ZC3H3: variants seen among roughly 807,000 people sequenced by gnomAD.
ZC3H3 encodes zinc finger CCCH domain-containing protein 3.
Under a neutral mutation model 77.3 loss-of-function variants are expected in ZC3H3, and 36 were observed. The observed-to-expected ratio is 0.47, with a 90% CI of 0.36 to 0.61. ZC3H3 has a LOEUF of 0.61. Among genes scored for constraint, ZC3H3 ranks in the 20% least tolerant of loss-of-function variants. The probability of loss-of-function intolerance (pLI) is 0.00; values close to 1 mark genes in which losing one functional copy is unlikely to be tolerated. For synonymous variants in ZC3H3, 626 were observed against 555.2 expected (o/e 1.13, Z -1.79); for missense variants, 1,331 against 1,312.2 (o/e 1.01, Z -0.22).
intron 3 of ZC3H3, among the ~76,000 whole-genome samples, chr8:143,517,726 C>T (rs553391530): frequency 6.6e-6 from 1 of 152,322 alleles, no homozygotes; most frequent in South Asian, 2.1e-4. Flanking sequence ...TGGGACGGGC[C>T]CTTCCCAGGG....
chr8:143,538,791 G>T lies in ZC3H3; in HGVS notation c.576C>A (p.Cys192Ter), dbSNP rs1822901158. ...TCCTGGGCTTACCAGGCTCCTTCTG[G>T]CAGACCAGAAGAGGATCTTCCACAC... ...TCSVEDPLLVCQKEPGKPRMV... is the reference protein window; with the variant it reads ...TCSVEDPLLV Residue 192 changes from cysteine to a stop codon, truncating the protein, a stop_gained, in exon 2 of 12, where the codon TGC becomes TGA. Coordinates refer to ENST00000262577, the MANE Select transcript of ZC3H3 (RefSeq NM_015117.3). LOFTEE classifies it high-confidence loss of function. 1 of 1,612,260 alleles carries T rather than the reference G, an allele frequency of 6.2e-7. No individual in the cohort carries two copies. The highest frequency in any genetic ancestry group is 2.2e-5 in the East Asian group (1 of 44,866).
intron 9 of ZC3H3, among the ~76,000 whole-genome samples, chr8:143,458,959 GA>G (rs1003789607): frequency 4.0e-4 from 51 of 128,916 alleles, no homozygotes; most frequent in South Asian, 7.2e-4. Context: ...TGTTCTTCAA[GA>G]AAAAAAAAAA....
chr8:143,458,942 G>A (rs1287789945), intron 9 of ZC3H3, among the ~76,000 whole-genome samples: 1 of 151,788 alleles, frequency 6.6e-6, no homozygotes, highest in Non-Finnish European at 1.5e-5. Flanking sequence ...GCAATATAGC[G>A]AGACCTTGTT....
At position 143,440,165 on chromosome 8, in the gene ZC3H3, G is replaced by T. The variant is rs745358852; in HGVS notation, c.2691C>A (p.Ala897=). Residue 897 remains alanine, a synonymous_variant, in exon 11 of 12, where the codon GCC becomes GCA. Transcript: ENST00000262577. ...DHEAPSLQEA[A]LAAACSNRLC... ...GCCTGTTGGAGCACGCTGCTGCTAA[G>T]GCAGCCTCCTGGAGAGATGGTGCCT... The T allele has an allele frequency of 1.2e-6, 2 of 1,611,992 alleles. No homozygotes were observed. The highest frequency in any genetic ancestry group is 2.7e-5 in the African/African-American group (2 of 74,910).
chr8:143,511,368 A>G (rs1821865217), intron 3 of ZC3H3, among the ~76,000 whole-genome samples: 1 of 152,250 alleles, frequency 6.6e-6, no homozygotes, highest in Non-Finnish European at 1.5e-5. Context: ...TATGTGGAGC[A>G]GGAGTGAGGG....
Position 143,473,773 on chromosome 8 carries a change from G to A in ZC3H3, c.1903+1625C>T, listed in dbSNP as rs566776273. On this transcript the variant is annotated intron_variant, in intron 5 of 11. Transcript: ENST00000262577. The stretch of plus-strand genomic sequence containing the variant: ...CCTCAGAGCACCTGCTGCTGGCCCC[G>A]GGAGCTCCACTGGTCAGGGTCCCTG... Among the ~76,000 whole-genome samples, 17 of 152,350 alleles carry A rather than the reference G, an allele frequency of 1.1e-4. No homozygotes were observed. The East Asian group carries it at 1.5e-3, about 14-fold the overall frequency.
At chr8:143,471,298 C>T (rs917702086) in intron 5 of ZC3H3, among the ~76,000 whole-genome samples, 3 of 152,228 alleles carry the variant, frequency 2.0e-5, no homozygotes, top group African/African-American at 4.8e-5. Context: ...AGGCAGCCAG[C>T]GGCAGAGGGT....
intron 9 of ZC3H3, among the ~76,000 whole-genome samples, chr8:143,461,763 C>A (rs912593306): frequency 6.6e-5 from 10 of 151,934 alleles, no homozygotes; most frequent in African/African-American, 2.2e-4. Flanking sequence ...ACACGAAAGG[C>A]CCACAGAAGA....
At chr8:143,518,349 G>A (rs931732059) in intron 3 of ZC3H3, among the ~76,000 whole-genome samples, 3 of 152,236 alleles carry the variant, frequency 2.0e-5, no homozygotes, top group Admixed American at 6.5e-5. Flanking sequence ...GCTGCCGGGC[G>A]GCACGGAGAC....
chr8:143,464,725 G>A (rs1016256328), intron 9 of ZC3H3, among the ~76,000 whole-genome samples: 6 of 152,182 alleles, frequency 3.9e-5, no homozygotes, highest in Non-Finnish European at 7.4e-5. Context: ...GCCAACACAA[G>A]TGTGAGGTCC....
At position 143,440,986 on chromosome 8, in the gene ZC3H3, C is replaced by T; in HGVS notation, c.2442G>A (p.Gly814=). Residue 814 remains glycine (G), a synonymous_variant, in exon 10 of 12, where the codon GGG becomes GGA. Transcript: ENST00000262577. ...TGCTCCTGGCGGTTGCGTCGCTGGG[C>T]CCTGGGGCGGGGGACGTGGCTGCCC... The part of the protein sequence containing the change: ...SRRAATSPAP[G]PSDATARSRV... The T allele has an allele frequency of 6.8e-7, 1 of 1,465,790 alleles. No homozygotes were observed. The highest frequency in any genetic ancestry group is 1.4e-5 in the South Asian group (1 of 69,104). The allele number at this position is 1,465,790 out of a possible 1,614,324, so 90.8% of individuals were successfully genotyped here. A position where few individuals can be genotyped will look rare whatever the true frequency, so the allele number is the denominator to read the frequency against.
intron 9 of ZC3H3, among the ~76,000 whole-genome samples, chr8:143,444,302 G>C (rs1189067790): frequency 6.6e-6 from 1 of 152,068 alleles, no homozygotes; most frequent in Middle Eastern, 3.2e-3. Flanking sequence ...AAATACTCCA[G>C]ATGTACAATT....
intron 11 of ZC3H3, among the ~76,000 whole-genome samples, chr8:143,439,762 C>T (rs774186406): frequency 6.6e-6 from 1 of 152,350 alleles, no homozygotes; most frequent in Non-Finnish European, 1.5e-5. Flanking sequence ...GAGATTCTGA[C>T]GTGGTGGTCT....
At chr8:143,506,287 C>T (rs1015891393) in intron 4 of ZC3H3, among the ~76,000 whole-genome samples, 1 of 152,216 alleles carries the variant, frequency 6.6e-6, no homozygotes, top group Non-Finnish European at 1.5e-5. Context: ...CCCTCGACGT[C>T]GGGCTGACGA....
chr8:143,443,001 A>G (rs1207537625), intron 9 of ZC3H3, among the ~76,000 whole-genome samples: 1 of 152,226 alleles, frequency 6.6e-6, no homozygotes, highest in Non-Finnish European at 1.5e-5. Flanking sequence ...GGCCCTGCAC[A>G]GTGGCTCACG....
chr8:143,440,061 G>C lies in ZC3H3; in HGVS notation c.2795C>G (p.Ala932Gly). 6.4e-7 allele frequency: 1 copy of C among 1,565,312 alleles called. No individual in the cohort carries two copies. The highest frequency in any genetic ancestry group is 8.6e-7 in the Non-Finnish European group (1 of 1,156,292). ...GAQPRVRAPR[A>G]PLTKDSGKPL... ...CCTACCTGAGTCCTTGGTGAGGGGG[G>C]CCCTAGGGGCCCGGACCCTGGGCTG... Residue 932 changes from alanine (A) to glycine (G), a missense_variant, in exon 11 of 12, where the codon GCC becomes GGC. Around this residue, in one of 3 missense-constraint regions of ZC3H3, gnomAD observed 249 missense variants for 236.9 expected, o/e 1.05. Coordinates refer to ENST00000262577, the MANE Select transcript of ZC3H3 (RefSeq NM_015117.3).
chr8:143,503,953 G>A (rs1267579339), intron 4 of ZC3H3, among the ~76,000 whole-genome samples: 1 of 152,180 alleles, frequency 6.6e-6, no homozygotes, highest in Non-Finnish European at 1.5e-5. Flanking sequence ...TGACCACCAG[G>A]CCGACAGTAA....
intron 9 of ZC3H3, among the ~76,000 whole-genome samples, chr8:143,442,177 T>C (rs1294005384): frequency 6.6e-6 from 1 of 151,872 alleles, no homozygotes; most frequent in African/African-American, 2.4e-5. Flanking sequence ...CTGTACCCCA[T>C]ACCTTCCCTG....
intron 9 of ZC3H3, among the ~76,000 whole-genome samples, chr8:143,464,642 G>A (rs564927991): frequency 3.9e-5 from 6 of 152,226 alleles, no homozygotes; most frequent in African/African-American, 1.4e-4. Flanking sequence ...GTGTCCTTGC[G>A]GGTGGGCTGA....
Sources: allele counts gnomAD v4.1 joint callset (sites outside exome capture counted in the v4.1 genomes callset), GRCh38; gene constraint gnomAD v4.1.1; regional missense constraint gnomAD v4.1.1; transcripts MANE v1.5; gene names NCBI Gene and HGNC (gene_info 2026-07-23, HGNC 2026-07-21).